Variants in DCC observed in about 807,000 individuals in gnomAD.
DCC encodes DCC netrin 1 receptor.
Under a neutral mutation model 172.5 loss-of-function variants are expected in DCC, and 58 were observed. The observed-to-expected ratio is 0.34, with a 90% CI of 0.27 to 0.42. The LOEUF (loss-of-function observed/expected upper bound fraction) is 0.42. DCC is among the 10% of genes least tolerant of loss of function. The pLI, the probability that DCC is intolerant of heterozygous loss-of-function variation, is 1.00. For synonymous variants in DCC, 709 were observed against 644.5 expected (o/e 1.10, Z -1.52); for missense variants, 1,740 against 1,791.0 (o/e 0.97, Z 0.51).
intron 5 of DCC, among the ~76,000 whole-genome samples, chr18:53,014,935 A>G (rs1246934880): frequency 6.6e-6 from 1 of 152,178 alleles, no homozygotes; most frequent in Non-Finnish European, 1.5e-5. Flanking sequence ...GGAGTTCAAG[A>G]AAATCCTTTA....
At chr18:53,381,382 C>T (rs940008081) in intron 15 of DCC, among the ~76,000 whole-genome samples, 1 of 152,014 alleles carries the variant, frequency 6.6e-6, no homozygotes, top group Admixed American at 6.6e-5. Flanking sequence ...TTTAGTGTCT[C>T]ATGGACTATG....
At chr18:52,590,889 C>A (rs767297961) in intron 1 of DCC, among the ~76,000 whole-genome samples, 1 of 152,160 alleles carries the variant, frequency 6.6e-6, no homozygotes, top group Non-Finnish European at 1.5e-5. Flanking sequence ...AGTTAAAAGA[C>A]CATTAAGCTA....
intron 2 of DCC, among the ~76,000 whole-genome samples, chr18:52,849,436 A>C (rs2038942187): frequency 6.6e-6 from 1 of 152,184 alleles, no homozygotes; most frequent in Admixed American, 6.5e-5. Context: ...CTAACTCTAC[A>C]GGGAAAACTT....
intron 1 of DCC, among the ~76,000 whole-genome samples, chr18:52,412,587 C>T (rs1220493281): frequency 6.6e-6 from 1 of 151,986 alleles, no homozygotes; most frequent in South Asian, 2.1e-4. Context: ...GAACTGATAA[C>T]TGTGATCAGT....
At chr18:53,111,065 A>C (rs375818937) in intron 7 of DCC, among the ~76,000 whole-genome samples, 23 of 147,954 alleles carry the variant, frequency 1.6e-4, no homozygotes, top group South Asian at 2.2e-4. Context: ...AATACTATGC[A>C]GCCATAAAAA....
chr18:53,421,311 G>A (rs184334363), intron 21 of DCC, among the ~76,000 whole-genome samples: 39 of 152,242 alleles, frequency 2.6e-4, no homozygotes, highest in African/African-American at 7.2e-4. Context: ...GTGCTATGGC[G>A]ATGATACAGT....
At chr18:53,220,599 A>G (rs1432470528) in intron 12 of DCC, among the ~76,000 whole-genome samples, 1 of 152,216 alleles carries the variant, frequency 6.6e-6, no homozygotes, top group African/African-American at 2.4e-5. Flanking sequence ...ATTTAAAGAT[A>G]AACTAGAACC....
At chr18:52,531,621 G>C (rs950792106) in intron 1 of DCC, among the ~76,000 whole-genome samples, 2 of 152,050 alleles carry the variant, frequency 1.3e-5, no homozygotes, top group Non-Finnish European at 2.9e-5. Context: ...TCTATAGCCT[G>C]TCTGGTCTCC....
chr18:52,792,803 CCAG>C (rs2037798866), intron 2 of DCC, among the ~76,000 whole-genome samples: 1 of 150,054 alleles, frequency 6.7e-6, no homozygotes, highest in Non-Finnish European at 1.5e-5. Flanking sequence ...CCATTCCATT[CCAG>C]TTGATTCAAT....
At chr18:53,282,041 T>A (rs2144730074) in intron 12 of DCC, among the ~76,000 whole-genome samples, 1 of 144,670 alleles carries the variant, frequency 6.9e-6, no homozygotes, top group East Asian at 2.2e-4. Flanking sequence ...GGAATACTGA[T>A]AACTTCCCAG....
chr18:52,931,660 T>C (rs1046986546), intron 5 of DCC: 1 of 152,154 alleles, frequency 6.6e-6, no homozygotes, highest in Non-Finnish European at 1.5e-5. Flanking sequence ...CCATAATCAT[T>C]AAGCTTTTTG....
chr18:53,311,477 G>A (rs2144799178), intron 13 of DCC, among the ~76,000 whole-genome samples: 1 of 152,240 alleles, frequency 6.6e-6, no homozygotes, highest in South Asian at 2.1e-4. Context: ...GTATGGCTAA[G>A]GTCCTCCACT....
intron 12 of DCC, among the ~76,000 whole-genome samples, chr18:53,253,491 G>C (rs1038121484): frequency 6.6e-6 from 1 of 151,958 alleles, no homozygotes; most frequent in Non-Finnish European, 1.5e-5. Flanking sequence ...GTCCTCTTAG[G>C]TTGAAAATGT....
intron 1 of DCC, among the ~76,000 whole-genome samples, chr18:52,490,578 G>A (rs73957903): frequency 0.057 from 8,727 of 152,118 alleles, 310 homozygotes; most frequent in South Asian, 0.12. Flanking sequence ...CGTGAAGGGC[G>A]CTTTCTGTTT....
intron 8 of DCC, among the ~76,000 whole-genome samples, chr18:53,168,475 A>G (rs1162175746): frequency 4.0e-5 from 6 of 151,344 alleles, no homozygotes; most frequent in Non-Finnish European, 8.8e-5. Flanking sequence ...ACAGAAGACC[A>G]AACACCACAT....
rs370477944 is a variant in DCC, at chr18:53,424,415, C to T, written c.3163+8259C>T. On this transcript the variant is annotated intron_variant, in intron 21 of 28. Transcript: ENST00000442544. Reference sequence around the variant, plus strand: ...AAAGCATTAGAAGGAAGTATGGTTCCGTGGGTCCATTTTCAAGAAGCTTGC... The same window carrying T: ...AAAGCATTAGAAGGAAGTATGGTTCTGTGGGTCCATTTTCAAGAAGCTTGC... 8.5e-5 allele frequency among the ~76,000 whole-genome samples: 13 copies of T among 152,170 alleles called. No individual in the cohort carries two copies. The South Asian group carries it at 1.7e-3, about 19-fold the overall frequency.
chr18:52,720,404 A>G (rs1003599711), intron 1 of DCC, among the ~76,000 whole-genome samples: 25 of 152,130 alleles, frequency 1.6e-4, no homozygotes, highest in African/African-American at 6.0e-4. Flanking sequence ...ATATATGCAG[A>G]TGAGCATGTG....
rs139897125 is a variant in DCC, at chr18:53,027,111, C to T, written c.986-36194C>T. Among the ~76,000 whole-genome samples the T allele has an allele frequency of 9.8e-3, 1,486 of 152,210 alleles. 30 individuals carry two copies. Among genetic ancestry groups the T allele is most frequent in the African/African-American group, 0.034 (1,432 of 41,530 alleles). On this transcript the variant is annotated intron_variant, in intron 5 of 28. Transcript: ENST00000442544. ...AGAGTGCTGTATTTCTTTCTCATGT[C>T]TCTTATTCCTCACCATAACAGCCTG...
Position 52,925,320 on chromosome 18 carries a change from T to C in DCC, c.935T>C (p.Val312Ala). The C allele has an allele frequency of 1.2e-6, 2 of 1,612,724 alleles. No individual in the cohort carries two copies. Among genetic ancestry groups the C allele is most frequent in the Non-Finnish European group, 1.7e-6 (2 of 1,178,948 alleles). The change falls in exon 5 of 29, where the codon GTC becomes GCC. Residue 312 changes from valine to alanine, a missense_variant. Val to Ala is a moderately conservative substitution (Grantham distance 64, BLOSUM62 0). Around this residue, in one of 2 missense-constraint regions of DCC, gnomAD observed 1,732 missense variants for 1,767.4 expected, o/e 0.98. Coordinates refer to ENST00000442544, the MANE Select transcript of DCC (RefSeq NM_005215.4). Reference sequence around the variant, plus strand: ...GACAGTGGAATGTATACCTGTGTTGTCACATATAAAAATGAGAATATTAGT... The same window carrying C: ...GACAGTGGAATGTATACCTGTGTTGCCACATATAAAAATGAGAATATTAGT... ...DDDSGMYTCVVTYKNENISAS... is the reference protein window; with the variant it reads ...DDDSGMYTCVATYKNENISAS...
Sources: allele counts gnomAD v4.1 joint callset (sites outside exome capture counted in the v4.1 genomes callset), GRCh38; gene constraint gnomAD v4.1.1; regional missense constraint gnomAD v4.1.1; transcripts MANE v1.5; gene names NCBI Gene and HGNC (gene_info 2026-07-23, HGNC 2026-07-21).